Variants in EMG1 observed in about 807,000 individuals in gnomAD.
EMG1 encodes ribosomal RNA small subunit methyltransferase NEP1.
EMG1 carries 24 observed loss-of-function variants against 26.9 expected under a neutral mutation model. The observed-to-expected ratio is 0.89, with a 90% CI of 0.65 to 1.26. EMG1 has a LOEUF of 1.26. EMG1 is among the 50% of genes most tolerant of loss of function. EMG1 has a pLI of 0.00. For missense variants in EMG1, 299 were observed against 307.6 expected (o/e 0.97, Z 0.21); for synonymous variants, 140 against 112.6 (o/e 1.24, Z -1.54).
chr12:6,987,400 T>G lies in EMG1; in HGVS notation c.*155-382T>G, dbSNP rs1420372292. Among the ~76,000 whole-genome samples, 2 of 152,332 alleles carry G rather than the reference T, an allele frequency of 1.3e-5. No homozygotes were observed. Among genetic ancestry groups the G allele is most frequent in the East Asian group, 3.9e-4 (2 of 5,188 alleles). On this transcript the variant is annotated intron_variant and NMD_transcript_variant, in intron 6 of 7. Coordinates refer to the EMG1 transcript ENST00000261406. The surrounding 1 kb of genome is among the most constrained non-coding windows in gnomAD (Gnocchi z 4.1). Reference sequence around the variant, plus strand: ...AGCTCTAGGGAGGTGGAGACATCTATGACCCTTTCAGGTAGATCAATGAGC... The same window carrying G: ...AGCTCTAGGGAGGTGGAGACATCTAGGACCCTTTCAGGTAGATCAATGAGC...
downstream of EMG1, chr12:6,981,832 C>G: frequency 6.2e-7 from 1 of 1,613,708 alleles, no homozygotes; most frequent in Non-Finnish European, 8.5e-7. Flanking sequence ...AAAGTCAGAA[C>G]ACAATGTGGC....
downstream of EMG1, chr12:6,983,141 A>G (rs781874074): frequency 9.9e-5 from 48 of 483,254 alleles, no homozygotes; most frequent in South Asian, 8.5e-4. Context: ...CTAAGTGGGG[A>G]CTGCTTGGCT....
At chr12:6,975,432 AT>A (rs1439621156) in intron 5 of EMG1, 54 bp downstream of exon 5, 4 of 1,519,676 alleles carry the variant, frequency 2.6e-6, no homozygotes, top group Non-Finnish European at 3.5e-6. Context: ...TTAGTATAGA[AT>A]TCCCAGAGCA....
rs1043535912 is a variant in EMG1, at chr12:6,987,069, C to T, written c.*155-713C>T. Among the ~76,000 whole-genome samples the T allele has an allele frequency of 4.0e-5, 6 of 151,572 alleles. No homozygotes were observed. Among genetic ancestry groups the T allele is most frequent in the South Asian group, 2.1e-4 (1 of 4,818 alleles). On this transcript the variant is annotated intron_variant and NMD_transcript_variant, in intron 6 of 7. Transcript: ENST00000261406. The surrounding 1 kb of genome is among the most constrained non-coding windows in gnomAD (Gnocchi z 4.1). ...CGGAGGTGGCAGTGAGCTGAGATCA[C>T]GCCATTGCACTCCAGCTTGGGCAAC...
Position 6,979,256 on chromosome 12 carries a change from G to A in EMG1, c.*3447G>A. On this transcript the variant is annotated 3_prime_UTR_variant, in exon 6 of 6. Coordinates refer to ENST00000599672, the MANE Select transcript of EMG1 (RefSeq NM_006331.8). ...AGAGAAGGCAACGGGTGCTAAATGT[G>A]CACCTGGCACAGCCCTGTGCCCGCG... The A allele has an allele frequency of 1.7e-6, 1 of 576,824 alleles. No homozygotes were observed. The highest frequency in any genetic ancestry group is 3.1e-6 in the Non-Finnish European group (1 of 324,136). The allele number at this position is 576,824 out of a possible 1,614,324, so 35.7% of individuals were successfully genotyped here.
At position 6,979,491 on chromosome 12, in the gene EMG1, G is replaced by T; in HGVS notation, c.*3682G>T. ...CTCACGTCATAGTCTTCAGTGAGGAGATAGTCTTCTGTGATGTGGGGGCTG... is the reference window on the plus strand; with the variant it reads ...CTCACGTCATAGTCTTCAGTGAGGATATAGTCTTCTGTGATGTGGGGGCTG... On this transcript the variant is annotated 3_prime_UTR_variant, in exon 6 of 6. Transcript: ENST00000599672. 6.2e-7 allele frequency: 1 copy of T among 1,613,090 alleles called. No individual in the cohort carries two copies. The highest frequency in any genetic ancestry group is 8.5e-7 in the Non-Finnish European group (1 of 1,179,004).
Position 6,987,748 on chromosome 12 carries a change from CT to C in EMG1, c.*155-33del. The stretch of plus-strand genomic sequence containing the variant: ...AAAAACACCACACATATTACTCTGC[CT>C]CTTTAAGTTGAATCTAATTTAACAT... On this transcript the variant is annotated intron_variant and NMD_transcript_variant, in intron 6 of 7. Transcript: ENST00000261406. The surrounding 1 kb of genome is among the most constrained non-coding windows in gnomAD (Gnocchi z 4.1). 2.5e-6 allele frequency: 1 copy of C among 400,660 alleles called. No individual in the cohort carries two copies. 24.8% of individuals were successfully genotyped at this position (400,660 alleles called of 1,614,324 possible).
intron 3 of EMG1, 100 bp from the exon 4 acceptor site, chr12:6,974,990 A>C: frequency 8.3e-7 from 1 of 1,205,342 alleles, no homozygotes; most frequent in Non-Finnish European, 1.2e-6. Context: ...TATAAAGCAC[A>C]CAGGGAACTC....
intron 1 of EMG1, 57 bp downstream of exon 1, chr12:6,971,148 A>G: frequency 4.1e-6 from 6 of 1,456,170 alleles, no homozygotes; most frequent in Non-Finnish European, 5.7e-6. Flanking sequence ...ACTCCGTGGA[A>G]TGAGGGTAAG....
chr12:6,991,129 C>T (rs1278046356), downstream of EMG1, among the ~76,000 whole-genome samples: 1 of 152,110 alleles, frequency 6.6e-6, no homozygotes, highest in Non-Finnish European at 1.5e-5. Flanking sequence ...AAATTTATGG[C>T]CTCTGTCTGA....
chr12:6,984,205 C>T (rs1250866405), downstream of EMG1, among the ~76,000 whole-genome samples: 1 of 152,170 alleles, frequency 6.6e-6, no homozygotes, highest in Admixed American at 6.5e-5. Context: ...GTTATAAAAT[C>T]CATTTAAGTA....
Position 6,978,179 on chromosome 12 carries a change from T to A in EMG1, c.*2370T>A. 1.4e-6 allele frequency: 1 copy of A among 720,274 alleles called. No homozygotes were observed. Among genetic ancestry groups the A allele is most frequent in the Non-Finnish European group, 2.1e-6 (1 of 466,010 alleles). The allele number at this position is 720,274 out of a possible 1,614,324, so 44.6% of individuals were successfully genotyped here. On this transcript the variant is annotated 3_prime_UTR_variant, in exon 6 of 6. Transcript: ENST00000599672. ...TCAAATATGACAGTAATGGTTTTTT[T>A]GGGAGGGGGGTATAGGTGGGGGTCA... is the stretch of plus-strand genomic sequence containing the variant.
In EMG1 at chr12:6,977,136, G is replaced by C. The variant is rs115586741; in HGVS notation, c.*1327G>C. The C allele has an allele frequency of 1.3e-6, 2 of 1,559,684 alleles. No homozygotes were observed. Among genetic ancestry groups the C allele is most frequent in the Non-Finnish European group, 1.8e-6 (2 of 1,130,516 alleles). On this transcript the variant is annotated 3_prime_UTR_variant, in exon 6 of 6. Coordinates refer to ENST00000599672, the MANE Select transcript of EMG1 (RefSeq NM_006331.8). This position sits in a 1 kb window ranked among gnomAD's most constrained non-coding sequence, Gnocchi z 4.5. ...TTAGTTTAGCTGTATTAACTTACCAGGGAAATGGATTATTCCATCTTCTTT... is the reference window on the plus strand; with the variant it reads ...TTAGTTTAGCTGTATTAACTTACCACGGAAATGGATTATTCCATCTTCTTT...
At chr12:6,985,089 TAAA>T (rs10559240) in intron 6 of EMG1, among the ~76,000 whole-genome samples, 102 of 112,572 alleles carry the variant, frequency 9.1e-4, no homozygotes, top group African/African-American at 1.1e-3. Flanking sequence ...CCCCATACAT[TAAA>T]AAAAAAAAAA....
At chr12:6,981,743 G>T, downstream of EMG1, 1 of 1,454,174 alleles carries the variant, frequency 6.9e-7, no homozygotes, top group Non-Finnish European at 9.7e-7. Context: ...GGGGGGTGCC[G>T]AGGAAGTTTT....
downstream of EMG1, among the ~76,000 whole-genome samples, chr12:6,991,599 A>G (rs1253587264): frequency 6.6e-6 from 1 of 152,202 alleles, no homozygotes; most frequent in African/African-American, 2.4e-5. Flanking sequence ...CCAAAATTCT[A>G]ATTTTTACTT....
At chr12:6,993,824 C>T (rs1288274703) in intron 7 of EMG1, among the ~76,000 whole-genome samples, 2 of 152,122 alleles carry the variant, frequency 1.3e-5, no homozygotes, top group African/African-American at 2.4e-5. Context: ...GTTGCTCAGG[C>T]TGGTCTTGAA....
downstream of EMG1, among the ~76,000 whole-genome samples, chr12:6,983,752 TTTGA>T (rs1381453059): frequency 2.6e-5 from 4 of 152,164 alleles, no homozygotes; most frequent in Non-Finnish European, 5.9e-5. Flanking sequence ...GATATTAATA[TTTGA>T]TTGAGGCAAT....
downstream of EMG1, chr12:6,980,783 TG>T: frequency 5.2e-6 from 2 of 385,766 alleles, no homozygotes. Flanking sequence ...GTGGCATAAA[TG>T]TGGATTTTTA....
Sources: gnomAD v4.1 joint callset for allele counts (sites outside exome capture counted in the v4.1 genomes callset) on GRCh38, gnomAD v4.1.1 for gene constraint, Gnocchi (gnomAD v3.1) non-coding constraint, MANE v1.5 for transcripts, NCBI Gene and HGNC (gene_info 2026-07-23, HGNC 2026-07-21) for gene names.